Variants in WWP1 observed in about 807,000 individuals in gnomAD.
WWP1 encodes the protein NEDD4-like E3 ubiquitin-protein ligase WWP1.
WWP1 carries 49 observed loss-of-function variants against 130.6 expected under a neutral mutation model. That is an observed-to-expected ratio of 0.38 (90% CI 0.30 to 0.48). The LOEUF is 0.48. WWP1 is among the 20% of genes least tolerant of loss of function. WWP1 has a pLI of 0.99. For synonymous variants in WWP1, 332 were observed against 367.8 expected (o/e 0.90, Z 1.11); for missense variants, 809 against 1,100.6 (o/e 0.74, Z 3.75).
rs150499345 is a variant in WWP1 at position 86,371,824 on chromosome 8, G to A, written c.-21-2206G>A. 2.0e-4 allele frequency among the ~76,000 whole-genome samples: 31 copies of A among 151,702 alleles called. No individual in the cohort carries two copies. In the East Asian group the frequency reaches 2.1e-3, roughly 10 times the overall value. On this transcript the variant is annotated intron_variant, in intron 2 of 24. Transcript: ENST00000517970. ...CTGATGAACAGAAGTCTCAGTTTCCGTGTAGTCAAAATATTCACCCTTTTT... is the reference window on the plus strand; with the variant it reads ...CTGATGAACAGAAGTCTCAGTTTCCATGTAGTCAAAATATTCACCCTTTTT...
chr8:86,466,544 T>C (rs1351397961), intron 24 of WWP1, among the ~76,000 whole-genome samples: 3 of 152,016 alleles, frequency 2.0e-5, no homozygotes, highest in Non-Finnish European at 4.4e-5. Context: ...TGGATTTTTT[T>C]TTTTTTTTAA....
At chr8:86,420,381 AT>A (rs1029919502) in intron 9 of WWP1, among the ~76,000 whole-genome samples, 1 of 152,178 alleles carries the variant, frequency 6.6e-6, no homozygotes, top group African/African-American at 2.4e-5. Context: ...AGCTAATAGT[AT>A]TTTTTAAAAA....
chr8:86,344,445 G>A (rs1367290943), intron 1 of WWP1, among the ~76,000 whole-genome samples: 1 of 152,180 alleles, frequency 6.6e-6, no homozygotes, highest in Admixed American at 6.5e-5. Context: ...TTGTACAGTT[G>A]TTAAGCATTT....
rs59506795 is a variant in WWP1 at position 86,460,790 on chromosome 8, C to CTTTTT, written c.2500-401_2500-397dup. 3.4e-4 allele frequency among the ~76,000 whole-genome samples: 21 copies of CTTTTT among 62,404 alleles called. 4 individuals carry two copies. The highest frequency in any genetic ancestry group is 6.1e-4 in the Non-Finnish European group (19 of 31,008). 40.9% of individuals were successfully genotyped at this position (62,404 alleles called of 152,430 possible). ...ACCCTACAACCTCTTTTTAGCACAT[C>CTTTTT]TTTTTTTTTTTTTTTTTTTTTTTTT... On this transcript the variant is annotated intron_variant, in intron 22 of 24. Transcript: ENST00000517970.
At chr8:86,448,623 A>G (rs1365693314) in intron 20 of WWP1, 110 bp downstream of exon 20, 31 of 1,019,420 alleles carry the variant, frequency 3.0e-5, no homozygotes, top group Non-Finnish European at 4.1e-5. Flanking sequence ...AGTTCTTCTC[A>G]CCAGTACCAA....
chr8:86,363,155 T>C (rs944776228), intron 1 of WWP1, among the ~76,000 whole-genome samples: 7 of 152,166 alleles, frequency 4.6e-5, no homozygotes, highest in Non-Finnish European at 1.0e-4. Flanking sequence ...GAATGAGAAC[T>C]TCTGCTGGGT....
intron 1 of WWP1, among the ~76,000 whole-genome samples, chr8:86,365,036 G>A (rs1214312182): frequency 1.3e-5 from 2 of 151,782 alleles, no homozygotes; most frequent in Non-Finnish European, 2.9e-5. Context: ...CAAGAAACAA[G>A]GACTAGATTT....
chr8:86,430,673 C>T (rs772352355), intron 11 of WWP1, 24 bp from the exon 12 acceptor site: 4 of 1,572,934 alleles, frequency 2.5e-6, no homozygotes, highest in South Asian at 1.2e-5. Context: ...TTTTATTTCT[C>T]TCCCTAATCT....
rs1008187569 is a variant in WWP1 at position 86,467,476 on chromosome 8, G to A, written c.*583G>A. 2.0e-5 allele frequency: 3 copies of A among 152,162 alleles called. No homozygotes were observed. The highest frequency in any genetic ancestry group is 7.3e-5 in the African/African-American group (3 of 41,282). 9.4% of individuals were successfully genotyped at this position (152,162 alleles called of 1,614,324 possible). ...TTTGTTTTAAATAAATACAATAGTT[G>A]AAAATTTTTCTCTGTTACATCAGTA... On this transcript the variant is annotated 3_prime_UTR_variant, in exon 25 of 25. Transcript: ENST00000517970.
At position 86,435,714 on chromosome 8, in the gene WWP1, A is replaced by C; in HGVS notation, c.1749+10A>C. 6.2e-7 allele frequency: 1 copy of C among 1,610,454 alleles called. No homozygotes were observed. Among genetic ancestry groups the C allele is most frequent in the Non-Finnish European group, 8.5e-7 (1 of 1,178,844 alleles). The stretch of plus-strand genomic sequence containing the variant: ...AGATTCCTTCCAACAGGTAAGGAGG[A>C]TTTTAGCAGAATAAAACACCATTTG... On this transcript the variant is annotated intron_variant, in intron 16 of 24. Coordinates refer to ENST00000517970, the MANE Select transcript of WWP1 (RefSeq NM_007013.4).
chr8:86,380,481 C>G (rs558150216), intron 3 of WWP1, among the ~76,000 whole-genome samples: 1 of 152,196 alleles, frequency 6.6e-6, no homozygotes, highest in African/African-American at 2.4e-5. Context: ...ATAGTGAAAC[C>G]ATTGAATTGT....
At chr8:86,447,255 T>A (rs1215492344) in intron 18 of WWP1, among the ~76,000 whole-genome samples, 3 of 151,790 alleles carry the variant, frequency 2.0e-5, no homozygotes, top group Non-Finnish European at 4.4e-5. Flanking sequence ...AGAGGTGGAG[T>A]TTGAAGGGAG....
chr8:86,431,611 T>C lies in WWP1; in HGVS notation c.1473-4T>C, dbSNP rs980451964. The C allele has an allele frequency of 2.5e-6, 4 of 1,613,276 alleles. No individual in the cohort carries two copies. The highest frequency in any genetic ancestry group is 1.3e-5 in the African/African-American group (1 of 74,986). On this transcript the variant is annotated splice_polypyrimidine_tract_variant and splice_region_variant and intron_variant, in intron 13 of 24. Coordinates refer to ENST00000517970, the MANE Select transcript of WWP1 (RefSeq NM_007013.4). ...CATCTTGTGATTTTAACTTTATCTTTTAGCTTACAGAATGAAGAACCCCTG... is the reference window on the plus strand; with the variant it reads ...CATCTTGTGATTTTAACTTTATCTTCTAGCTTACAGAATGAAGAACCCCTG...
chr8:86,384,657 T>C (rs1400553510), intron 5 of WWP1, among the ~76,000 whole-genome samples: 3 of 152,162 alleles, frequency 2.0e-5, no homozygotes, highest in Non-Finnish European at 2.9e-5. Context: ...TGGCTATCAG[T>C]TGAATGAGCT....
chr8:86,393,237 C>CA (rs1382120179), intron 5 of WWP1, among the ~76,000 whole-genome samples: 1 of 151,880 alleles, frequency 6.6e-6, no homozygotes, highest in Non-Finnish European at 1.5e-5. Context: ...GACAGGGTCT[C>CA]ACTCTGTCTC....
intron 21 of WWP1, among the ~76,000 whole-genome samples, chr8:86,457,037 T>G (rs1243335840): frequency 6.6e-6 from 1 of 152,000 alleles, no homozygotes; most frequent in Non-Finnish European, 1.5e-5. Context: ...GGAAATATTC[T>G]ATATCTTGAT....
intron 20 of WWP1, among the ~76,000 whole-genome samples, chr8:86,448,814 C>G (rs1811023723): frequency 6.6e-6 from 1 of 152,004 alleles, no homozygotes; most frequent in Non-Finnish European, 1.5e-5. Context: ...CTATGTCATA[C>G]TGATTTTCTT....
At chr8:86,428,799 T>A (rs1809772434) in intron 11 of WWP1, among the ~76,000 whole-genome samples, 1 of 152,164 alleles carries the variant, frequency 6.6e-6, no homozygotes, top group Non-Finnish European at 1.5e-5. Flanking sequence ...TACCGTGTGG[T>A]ATATATAGTA....
chr8:86,451,251 A>G (rs1811161667), intron 20 of WWP1, among the ~76,000 whole-genome samples: 1 of 128,586 alleles, frequency 7.8e-6, no homozygotes, highest in African/African-American at 2.8e-5. Context: ...AAAAAAAAAA[A>G]AAGATACATG....
Sources: allele counts gnomAD v4.1 joint callset (sites outside exome capture counted in the v4.1 genomes callset), GRCh38; gene constraint gnomAD v4.1.1; transcripts MANE v1.5; gene names NCBI Gene and HGNC (gene_info 2026-07-23, HGNC 2026-07-21).